The following NR1I3 variants were observed in gnomAD, a reference collection of about 807,000 sequenced individuals.
NR1I3 encodes the protein nuclear receptor subfamily 1 group I member 3.
In NR1I3, 30 loss-of-function variants were observed where a neutral mutation model predicts 38.4. The observed-to-expected ratio is 0.78, with a 90% CI of 0.58 to 1.06. The LOEUF is 1.06. Ranked by LOEUF, NR1I3 falls within the 50% of genes least tolerant of loss-of-function variation. The probability of loss-of-function intolerance (pLI) is 0.00; values close to 1 mark genes in which losing one functional copy is unlikely to be tolerated. For missense variants in NR1I3, 388 were observed against 435.7 expected (o/e 0.89, Z 0.97); for synonymous variants, 143 against 165.1 (o/e 0.87, Z 1.03).
intron 5 of NR1I3, 66 bp downstream of exon 5, chr1:161,232,741 T>G: frequency 6.6e-7 from 1 of 1,523,318 alleles, no homozygotes; most frequent in Non-Finnish European, 9.1e-7. Flanking sequence ...AGTCAGTGAC[T>G]TTTCGGGGTG....
In NR1I3 at chr1:161,233,155, C is replaced by T. The variant is rs1667726880; in HGVS notation, c.408+14G>A. The T allele has an allele frequency of 6.2e-7, 1 of 1,610,668 alleles. No homozygotes were observed. Among genetic ancestry groups the T allele is most frequent in the African/African-American group, 1.3e-5 (1 of 74,992 alleles). On this transcript the variant is annotated intron_variant, in intron 4 of 8. Transcript: ENST00000367983. ...TTTTAGTTGTATTCCAACCCAAATCCTGTCGGTGCTCACCCTAAACTGCAC... is the reference window on the plus strand; with the variant it reads ...TTTTAGTTGTATTCCAACCCAAATCTTGTCGGTGCTCACCCTAAACTGCAC...
At chr1:161,232,756 T>C (rs918224792) in intron 5 of NR1I3, 51 bp downstream of exon 5, 39 of 1,588,094 alleles carry the variant, frequency 2.5e-5, no homozygotes, top group Non-Finnish European at 3.4e-5. Context: ...GGGGTGGATA[T>C]ACAATTTACT....
At chr1:161,233,961 A>G (rs28753377) in intron 3 of NR1I3, among the ~76,000 whole-genome samples, 19 of 78,822 alleles carry the variant, frequency 2.4e-4, no homozygotes, top group Admixed American at 1.3e-4. Context: ...ATATATGTGT[A>G]TATATATGTG....
intron 8 of NR1I3, chr1:161,230,508 A>G: frequency 1.9e-6 from 1 of 530,908 alleles, no homozygotes; most frequent in Non-Finnish European, 3.3e-6. Flanking sequence ...AAGTTGGACT[A>G]GTGAGGTAAT....
Position 161,233,219 on chromosome 1 carries a change from C to A in NR1I3, c.358G>T (p.Ala120Ser). Reference sequence around the variant, plus strand: ...ATGGTGCCCATGTGGCGGGTGTGGGCCCCCAGGAGTGTCCGGATCAGCTCT... The same window carrying A: ...ATGGTGCCCATGTGGCGGGTGTGGGACCCCAGGAGTGTCCGGATCAGCTCT... The part of the protein sequence containing the change: ...QEELIRTLLG[A>S]HTRHMGTMFE... The change falls in exon 4 of 9, where the codon GCC becomes TCC. Residue 120 changes from alanine (A) to serine (S), a missense_variant. Transcript: ENST00000367983. 6.2e-7 allele frequency: 1 copy of A among 1,613,456 alleles called. No homozygotes were observed. Among genetic ancestry groups the A allele is most frequent in the East Asian group, 2.2e-5 (1 of 44,870 alleles).
Position 161,229,812 on chromosome 1 carries a change from C to T in NR1I3, c.1032G>A (p.Gln344=), listed in dbSNP as rs141389397. Reference sequence around the variant, plus strand: ...GAGCATGGCCTCAGCTGCAGATCTCCTGGAGCAGCGGCATCATGGCAGACA... The same window carrying T: ...GAGCATGGCCTCAGCTGCAGATCTCTTGGAGCAGCGGCATCATGGCAGACA... The part of the protein sequence containing the change: ...QGLSAMMPLL[Q]EICS The change falls in exon 9 of 9, where the codon CAG becomes CAA. Residue 344 remains glutamine (Q), a synonymous_variant. Transcript: ENST00000367983. 1.2e-6 allele frequency: 2 copies of T among 1,614,256 alleles called. No individual in the cohort carries two copies. Among genetic ancestry groups the T allele is most frequent in the East Asian group, 4.5e-5 (2 of 44,894 alleles).
rs1363054533 is a variant in NR1I3 at position 161,229,838 on chromosome 1, G to C, written c.1006C>G (p.Leu336Val). The C allele has an allele frequency of 3.1e-6, 5 of 1,614,246 alleles. No homozygotes were observed. Among genetic ancestry groups the C allele is most frequent in the Non-Finnish European group, 4.2e-6 (5 of 1,180,048 alleles). Reference protein sequence around the residue: ...YGYQIQHIQGLSAMMPLLQEI... With the variant: ...YGYQIQHIQGVSAMMPLLQEI... ...TGGAGCAGCGGCATCATGGCAGACA[G>C]GCCCTGGATGTGCTGGATTTGGTAC... The change falls in exon 9 of 9, where the codon CTG becomes GTG. Residue 336 changes from leucine (L) to valine (V), a missense_variant. Transcript: ENST00000367983.
rs746281035 is a variant in NR1I3, at chr1:161,230,864, G to A, written c.866C>T (p.Ala289Val). 1 of 1,614,170 alleles carries A rather than the reference G, an allele frequency of 6.2e-7. No homozygotes were observed. The highest frequency in any genetic ancestry group is 1.1e-5 in the South Asian group (1 of 91,088). Reference protein sequence around the residue: ...DEIDQLQEEMALTLQSYIKGQ... With the variant: ...DEIDQLQEEMVLTLQSYIKGQ... Reference sequence around the variant, plus strand: ...CTTGATGTAGCTTTGCAGAGTCAGTGCCATCTCCTCTTGCAGCTGATCAAT... The same window carrying A: ...CTTGATGTAGCTTTGCAGAGTCAGTACCATCTCCTCTTGCAGCTGATCAAT... The change falls in exon 8 of 9, where the codon GCA becomes GTA. Residue 289 changes from alanine to valine, a missense_variant. Transcript: ENST00000367983.
At chr1:161,234,060 C>T (rs550448418) in intron 3 of NR1I3, among the ~76,000 whole-genome samples, 19 of 151,892 alleles carry the variant, frequency 1.3e-4, no homozygotes, top group African/African-American at 3.4e-4. Flanking sequence ...GGAGCAATCT[C>T]GGCTCACTGC....
chr1:161,234,431 AAG>A (rs1240665665), intron 3 of NR1I3, among the ~76,000 whole-genome samples: 1 of 151,150 alleles, frequency 6.6e-6, no homozygotes, highest in Non-Finnish European at 1.5e-5. Context: ...AGATCAAACC[AAG>A]ATCTTGAATT....
chr1:161,230,167 CGAG>C, intron 8 of NR1I3: 1 of 498,274 alleles, frequency 2.0e-6, no homozygotes. Context: ...CTCTGAGAGC[CGAG>C]TGTGAAGAAA....
chr1:161,231,788 C>T (rs1381696101), intron 5 of NR1I3, among the ~76,000 whole-genome samples: 1 of 152,028 alleles, frequency 6.6e-6, no homozygotes. Flanking sequence ...AGGCATGAGC[C>T]ACTGCACCCG....
At position 161,237,498 on chromosome 1, in the gene NR1I3, T is replaced by C. The variant is rs183810122; in HGVS notation, c.-34+543A>G. Among the ~76,000 whole-genome samples, 869 of 151,644 alleles carry C rather than the reference T, an allele frequency of 5.7e-3. 5 individuals are homozygous for C. Among genetic ancestry groups the C allele is most frequent in the Non-Finnish European group, 8.7e-3 (593 of 67,910 alleles). On this transcript the variant is annotated intron_variant, in intron 1 of 8. Transcript: ENST00000367983. ...ACTTTGGGAGGCCGAGGTGGGCGGATCACCAGGTCATGAGATCGAGACCAT... is the reference window on the plus strand; with the variant it reads ...ACTTTGGGAGGCCGAGGTGGGCGGACCACCAGGTCATGAGATCGAGACCAT...
In NR1I3 at chr1:161,233,001, C is replaced by T. The variant is rs756698480; in HGVS notation, c.409-55G>A. 5.0e-6 allele frequency: 8 copies of T among 1,603,318 alleles called. No individual in the cohort carries two copies. In the African/African-American group the frequency reaches 8.0e-5, roughly 16 times the overall value. ...TCTGGCCCTAGGGCCCTCCTTTAGG[C>T]CTCGCCAGCCTTATCTTGGAAGAGT... On this transcript the variant is annotated intron_variant, in intron 4 of 8. Transcript: ENST00000367983.
rs191767440 is a variant in NR1I3, at chr1:161,237,436, T to G, written c.-34+605A>C. On this transcript the variant is annotated intron_variant, in intron 1 of 8. Coordinates refer to ENST00000367983, the MANE Select transcript of NR1I3 (RefSeq NM_005122.5). ...CCAGGCTGGTTTCAAATTCCTGACT[T>G]AGGCCTGGTGCAGTGTCTCATGCCT... is the stretch of plus-strand genomic sequence containing the variant. 4.9e-4 allele frequency among the ~76,000 whole-genome samples: 75 copies of G among 151,922 alleles called. 1 individual carries two copies. Among genetic ancestry groups the G allele is most frequent in the African/African-American group, 1.6e-3 (67 of 41,486 alleles).
rs140549301 is a variant in NR1I3, at chr1:161,229,795, C to T, written c.*2G>A. 1.9e-5 allele frequency: 30 copies of T among 1,614,222 alleles called. No individual in the cohort carries two copies. In the African/African-American group the frequency reaches 3.6e-4, roughly 19 times the overall value. On this transcript the variant is annotated 3_prime_UTR_variant, in exon 9 of 9. Transcript: ENST00000367983. ...GAGCTGGGGAAGGAAGTGAGCATGG[C>T]CTCAGCTGCAGATCTCCTGGAGCAG...
Position 161,238,065 on chromosome 1 carries a change from C to A in NR1I3, c.-58G>T. ...CCTGCTTCTCTTAGGCAGCATGTCA[C>A]CTGCAGGCCACAGAATCTGGTATGG... On this transcript the variant is annotated 5_prime_UTR_variant, in exon 1 of 9. Transcript: ENST00000367983. The A allele has an allele frequency of 6.2e-7, 1 of 1,614,000 alleles. No individual in the cohort carries two copies. Among genetic ancestry groups the A allele is most frequent in the Non-Finnish European group, 8.5e-7 (1 of 1,179,864 alleles).
chr1:161,231,463 A>G lies in NR1I3; in HGVS notation c.560T>C (p.Ile187Thr), dbSNP rs564859096. ...CTTGAGAAGGGAGATCTGGTCTTCA[A>G]TGGGCAGGGAACTGTGGAAAGCAGG... Reference protein sequence around the residue: ...KDLPVFRSLPIEDQISLLKGA... With the variant: ...KDLPVFRSLPTEDQISLLKGA... The change falls in exon 6 of 9, where the codon ATT becomes ACT. Residue 187 changes from isoleucine to threonine, a missense_variant. By Grantham distance (89) the Ile-to-Thr change is moderately conservative. Transcript: ENST00000367983. 31 of 1,577,198 alleles carry G rather than the reference A, an allele frequency of 2.0e-5. No individual in the cohort carries two copies. The East Asian group carries it at 6.3e-4, about 32-fold the overall frequency.
In NR1I3 at chr1:161,235,910, G is replaced by T; in HGVS notation, c.175C>A (p.Gln59Lys). 6.2e-7 allele frequency: 1 copy of T among 1,613,758 alleles called. No individual in the cohort carries two copies. The highest frequency in any genetic ancestry group is 1.1e-5 in the South Asian group (1 of 91,042). ...CTGCAGGCTGGGCAGTGGCGCCTCT[G>T]AGTCTTGCTGACTTCACAGCTTCCA... ...FAGSCEVSKT[Q>K]RRHCPACRLQ... Residue 59 changes from glutamine (Q) to lysine (K), a missense_variant, in exon 3 of 9, where the codon CAG becomes AAG. Gln to Lys is a moderately conservative substitution (Grantham distance 53). Coordinates refer to ENST00000367983, the MANE Select transcript of NR1I3 (RefSeq NM_005122.5).
Sources: allele counts gnomAD v4.1 joint callset (sites outside exome capture counted in the v4.1 genomes callset), GRCh38; gene constraint gnomAD v4.1.1; transcripts MANE v1.5; gene names NCBI Gene and HGNC (gene_info 2026-07-23, HGNC 2026-07-21).